Variants in NIBAN1 observed in about 807,000 individuals in gnomAD.
The protein encoded by NIBAN1 is niban apoptosis regulator 1.
NIBAN1 carries 81 observed loss-of-function variants against 75.1 expected under a neutral mutation model. That is an observed-to-expected ratio of 1.08 (90% CI 0.90 to 1.30). The LOEUF (loss-of-function observed/expected upper bound fraction) is 1.30, where lower values mean the gene tolerates loss of function less well. NIBAN1 is among the 50% of genes most tolerant of loss of function. The pLI is 0.00. For synonymous variants in NIBAN1, 436 were observed against 424.8 expected (o/e 1.03, Z -0.32); for missense variants, 1,133 against 1,128.1 (o/e 1.00, Z -0.06).
chr1:184,918,407 C>G (rs986543735), intron 1 of NIBAN1, among the ~76,000 whole-genome samples: 1 of 152,196 alleles, frequency 6.6e-6, no homozygotes, highest in African/African-American at 2.4e-5. Context: ...CAGGTCCTTC[C>G]CCTGATAAAA....
chr1:184,924,078 T>C (rs954469749), intron 1 of NIBAN1, among the ~76,000 whole-genome samples: 3 of 152,134 alleles, frequency 2.0e-5, no homozygotes, highest in Non-Finnish European at 4.4e-5. Flanking sequence ...CTTTCTCTTG[T>C]CTGATTGCTC....
At chr1:184,890,549 C>T (rs1362086174) in intron 3 of NIBAN1, among the ~76,000 whole-genome samples, 22 of 152,168 alleles carry the variant, frequency 1.4e-4, no homozygotes, top group Admixed American at 1.4e-3. Context: ...ATTTCAGATG[C>T]TAACAACTAA....
In NIBAN1 at chr1:184,957,884, T is replaced by C. The variant is rs1658531038; in HGVS notation, c.55+16418A>G. On this transcript the variant is annotated intron_variant, in intron 1 of 13. Transcript: ENST00000367511. ...TGCCTTACTTCCCAAATATAAATAT[T>C]TTATTTGATAATGAAGAAGTTGCAT... Among the ~76,000 whole-genome samples the C allele has an allele frequency of 2.0e-5, 3 of 152,336 alleles. No homozygotes were observed. The South Asian group carries it at 6.2e-4, about 32-fold the overall frequency.
chr1:184,965,789 A>G (rs1658769220), intron 1 of NIBAN1, among the ~76,000 whole-genome samples: 1 of 152,162 alleles, frequency 6.6e-6, no homozygotes, highest in Non-Finnish European at 1.5e-5. Context: ...CGCGCTGCAC[A>G]TCTTCCCCTG....
At chr1:184,812,943 G>A (rs1408629203) in intron 9 of NIBAN1, among the ~76,000 whole-genome samples, 3 of 152,196 alleles carry the variant, frequency 2.0e-5, no homozygotes, top group African/African-American at 7.2e-5. Context: ...CTTTGGTAAA[G>A]TTCAAAAGCC....
intron 5 of NIBAN1, among the ~76,000 whole-genome samples, chr1:184,842,644 T>G (rs185651924): frequency 6.6e-6 from 1 of 151,784 alleles, no homozygotes. Context: ...TCCTAGCTAC[T>G]CTAGAAGCTG....
chr1:184,884,741 A>T lies in NIBAN1; in HGVS notation c.493T>A (p.Tyr165Asn). 6.2e-7 allele frequency: 1 copy of T among 1,614,228 alleles called. No individual in the cohort carries two copies. Among genetic ancestry groups the T allele is most frequent in the Non-Finnish European group, 8.5e-7 (1 of 1,180,004 alleles). ...FVVLPKEFPV[Y>N]LWQPFFRHGY... ...TGTCTGAAGAAGGGCTGCCACAGGTACACTGGGAATTCCTTGGGCAGGACC... is the reference window on the plus strand; with the variant it reads ...TGTCTGAAGAAGGGCTGCCACAGGTTCACTGGGAATTCCTTGGGCAGGACC... Residue 165 changes from tyrosine (Y) to asparagine (N), a missense_variant, in exon 5 of 14, where the codon TAC (tyrosine) becomes AAC (asparagine). Physicochemically the swap from Tyr to Asn is moderately radical, Grantham distance 143. Coordinates refer to ENST00000367511, the MANE Select transcript of NIBAN1 (RefSeq NM_052966.4).
chr1:184,948,167 C>A (rs1658276954), intron 1 of NIBAN1, among the ~76,000 whole-genome samples: 1 of 152,052 alleles, frequency 6.6e-6, no homozygotes, highest in Non-Finnish European at 1.5e-5. Context: ...ATTATATAAG[C>A]TTATGAATTT....
intron 1 of NIBAN1, among the ~76,000 whole-genome samples, chr1:184,926,926 A>G (rs1013420794): frequency 6.6e-6 from 1 of 152,100 alleles, no homozygotes; most frequent in African/African-American, 2.4e-5. Flanking sequence ...TGCTTGATCA[A>G]TTCTGTTATT....
At chr1:184,806,308 T>C (rs572466695) in intron 10 of NIBAN1, among the ~76,000 whole-genome samples, 1 of 152,196 alleles carries the variant, frequency 6.6e-6, no homozygotes, top group African/African-American at 2.4e-5. Flanking sequence ...TTCTGTCATC[T>C]CCCGTGGGCA....
At chr1:184,908,852 C>T (rs551754344) in intron 1 of NIBAN1, among the ~76,000 whole-genome samples, 1 of 152,202 alleles carries the variant, frequency 6.6e-6, no homozygotes, top group East Asian at 1.9e-4. Context: ...GATTGGCTGT[C>T]TTTTTCTTTA....
chr1:184,972,467 T>C (rs1228129194), intron 1 of NIBAN1, among the ~76,000 whole-genome samples: 1 of 152,240 alleles, frequency 6.6e-6, no homozygotes, highest in African/African-American at 2.4e-5. Flanking sequence ...TTTTCTCTTT[T>C]GGCAAGACTA....
chr1:184,806,025 T>C lies in NIBAN1; in HGVS notation c.1367A>G (p.Gln456Arg). The change falls in exon 11 of 14, where the codon CAG becomes CGG. Residue 456 changes from glutamine to arginine, a missense_variant. Coordinates refer to ENST00000367511, the MANE Select transcript of NIBAN1 (RefSeq NM_052966.4). ...LMENAVFTFE[Q>R]LLSPHLQGEA... The stretch of plus-strand genomic sequence containing the variant: ...TCCTTGGAGATGTGGGGAAAGCAAC[T>C]GCTCAAAAGTGAACACTGCATTCTC... The C allele has an allele frequency of 6.2e-7, 1 of 1,614,182 alleles. No individual in the cohort carries two copies. The highest frequency in any genetic ancestry group is 8.5e-7 in the Non-Finnish European group (1 of 1,180,024).
At chr1:184,833,863 T>C (rs1015525877) in intron 5 of NIBAN1, among the ~76,000 whole-genome samples, 10 of 152,152 alleles carry the variant, frequency 6.6e-5, no homozygotes, top group African/African-American at 2.2e-4. Context: ...TTTCTTTTTT[T>C]TTTTTTCGAT....
Position 184,884,715 on chromosome 1 carries a change from G to A in NIBAN1, c.519C>T (p.His173=), listed in dbSNP as rs3737948. 3.8e-3 allele frequency: 6,119 copies of A among 1,614,208 alleles called. 155 individuals are homozygous for A. The East Asian group carries it at 0.076, about 20-fold the overall frequency. The change falls in exon 5 of 14, where the codon CAC becomes CAT. Residue 173 remains histidine (H), a synonymous_variant. Transcript: ENST00000367511. ...PVYLWQPFFR[H]GYFCFHEAAD... is the part of the protein sequence containing the mutation. ...CAGCCTCGTGGAAGCAGAAGTAGCC[G>A]TGTCTGAAGAAGGGCTGCCACAGGT...
chr1:184,915,043 C>A (rs1657347254), intron 1 of NIBAN1, among the ~76,000 whole-genome samples: 1 of 152,148 alleles, frequency 6.6e-6, no homozygotes, highest in Non-Finnish European at 1.5e-5. Flanking sequence ...ATTTTAATAG[C>A]CACGTGTGGC....
At chr1:184,963,812 A>G (rs1157505649) in intron 1 of NIBAN1, among the ~76,000 whole-genome samples, 1 of 152,224 alleles carries the variant, frequency 6.6e-6, no homozygotes, top group African/African-American at 2.4e-5. Context: ...ACTCAATATC[A>G]TACAGATGTC....
At chr1:184,959,227 G>T (rs1658569217) in intron 1 of NIBAN1, among the ~76,000 whole-genome samples, 1 of 152,196 alleles carries the variant, frequency 6.6e-6, no homozygotes, top group Admixed American at 6.5e-5. Flanking sequence ...TTCTCTGCAG[G>T]CTACTTCGTT....
intron 5 of NIBAN1, among the ~76,000 whole-genome samples, chr1:184,855,461 T>C: frequency 6.6e-6 from 1 of 152,178 alleles, no homozygotes; most frequent in East Asian, 1.9e-4. Context: ...ACTTATTTTT[T>C]TTTTAATCTC....
Sources: gnomAD v4.1 joint callset for allele counts (sites outside exome capture counted in the v4.1 genomes callset) on GRCh38, gnomAD v4.1.1 for gene constraint, MANE v1.5 for transcripts, NCBI Gene and HGNC (gene_info 2026-07-23, HGNC 2026-07-21) for gene names.